Variants in IPO11 observed in about 807,000 individuals in gnomAD.
IPO11 encodes importin 11.
IPO11 carries 66 observed loss-of-function variants against 143.2 expected under a neutral mutation model. The ratio of observed to expected loss-of-function variants is 0.46; its 90% CI spans 0.38 to 0.57. The LOEUF is 0.57. Ranked by LOEUF, IPO11 falls within the 20% of genes least tolerant of loss-of-function variation. The pLI is 0.00. For missense variants in IPO11, 1,026 were observed against 1,141.0 expected (o/e 0.90, Z 1.45); for synonymous variants, 385 against 377.8 (o/e 1.02, Z -0.22).
At chr5:62,435,811 C>G (rs1013096304) in intron 1 of IPO11, among the ~76,000 whole-genome samples, 1 of 151,770 alleles carries the variant, frequency 6.6e-6, no homozygotes, top group African/African-American at 2.4e-5. Flanking sequence ...GGCGGATCAC[C>G]TGGGGTCAGG....
Position 62,452,335 on chromosome 5 carries a change from A to G in IPO11, c.516+402A>G, listed in dbSNP as rs1744963264. ...TACTTCTGTTGATGTTTTTTGAAAG[A>G]CTTAATTCTTTCTCATTTTAAGCTG... is the stretch of plus-strand genomic sequence containing the variant. On this transcript the variant is annotated intron_variant, in intron 5 of 29. Coordinates refer to ENST00000325324, the MANE Select transcript of IPO11 (RefSeq NM_016338.5). 1.3e-5 allele frequency among the ~76,000 whole-genome samples: 2 copies of G among 151,390 alleles called. 1 individual carries two copies. Among genetic ancestry groups the G allele is most frequent in the African/African-American group, 4.9e-5 (2 of 40,632 alleles).
intron 28 of IPO11, among the ~76,000 whole-genome samples, chr5:62,598,561 T>TGAGA: frequency 2.5e-5 from 1 of 39,266 alleles, no homozygotes; most frequent in African/African-American, 2.4e-4. Context: ...TTCTTTTTTT[T>TGAGA]TTTTATGGAG....
chr5:62,482,993 G>T, intron 9 of IPO11, 108 bp from the exon 10 acceptor site: 3 of 733,054 alleles, frequency 4.1e-6, no homozygotes, highest in South Asian at 2.0e-5. Flanking sequence ...CCACACTAAG[G>T]TTCAAACTGC....
chr5:62,586,764 A>ATAT (rs1554056988), intron 27 of IPO11, among the ~76,000 whole-genome samples: 84 of 83,054 alleles, frequency 1.0e-3, no homozygotes, highest in African/African-American at 3.1e-3. Flanking sequence ...AAAAAAAAAA[A>ATAT]AAAAATATAT....
At chr5:62,523,401 G>T (rs1447631923) in intron 20 of IPO11, among the ~76,000 whole-genome samples, 1 of 152,124 alleles carries the variant, frequency 6.6e-6, no homozygotes, top group Non-Finnish European at 1.5e-5. Context: ...AAGGCTAAGC[G>T]AACATCTCTT....
intron 5 of IPO11, among the ~76,000 whole-genome samples, chr5:62,465,173 T>C (rs1296348434): frequency 1.3e-5 from 2 of 152,254 alleles, no homozygotes; most frequent in African/African-American, 4.8e-5. Flanking sequence ...TTCTTACCTC[T>C]TCTGCGTCTA....
At chr5:62,526,553 T>C (rs1742375730) in intron 21 of IPO11, 1 of 254,640 alleles carries the variant, frequency 3.9e-6, no homozygotes, top group African/African-American at 2.3e-5. Flanking sequence ...ACTTACAATT[T>C]CCAGTCTGTT....
At chr5:62,465,562 C>T (rs1745544551) in intron 5 of IPO11, among the ~76,000 whole-genome samples, 1 of 152,196 alleles carries the variant, frequency 6.6e-6, no homozygotes, top group Non-Finnish European at 1.5e-5. Flanking sequence ...TGTTGTAACA[C>T]TATGAATTGA....
In IPO11 at chr5:62,598,379, G is replaced by GCTTTCTTTCTTT. The variant is rs1561380281; in HGVS notation, c.2679-3382_2679-3381insTCTTTCTTTCTT. ...ATGTGAAACGACCCATAAATTGTTT[G>GCTTTCTTTCTTT]CTTGCTTGCTTGCTTTCTTTCTTTC... On this transcript the variant is annotated intron_variant, in intron 28 of 29. Coordinates refer to ENST00000325324, the MANE Select transcript of IPO11 (RefSeq NM_016338.5). Among the ~76,000 whole-genome samples, 10 of 48,574 alleles carry GCTTTCTTTCTTT rather than the reference G, an allele frequency of 2.1e-4. 1 individual carries two copies. The highest frequency in any genetic ancestry group is 3.7e-4 in the Non-Finnish European group (9 of 24,430). 31.9% of individuals were successfully genotyped at this position (48,574 alleles called of 152,430 possible). A position where few individuals can be genotyped will look rare whatever the true frequency, so the allele number is the denominator to read the frequency against.
intron 1 of IPO11, among the ~76,000 whole-genome samples, chr5:62,417,290 A>G (rs531808143): frequency 9.3e-5 from 6 of 64,772 alleles, no homozygotes; most frequent in East Asian, 4.0e-4. Flanking sequence ...AGAATTCTCT[A>G]TATTCATTTT....
chr5:62,508,807 C>T (rs974679887), intron 19 of IPO11, among the ~76,000 whole-genome samples: 6 of 152,120 alleles, frequency 3.9e-5, no homozygotes, highest in African/African-American at 7.2e-5. Context: ...GCCCTGTGTC[C>T]ATGTGTTCTC....
At chr5:62,615,281 CAA>C (rs771989392) in intron 29 of IPO11, among the ~76,000 whole-genome samples, 1 of 152,146 alleles carries the variant, frequency 6.6e-6, no homozygotes, top group Non-Finnish European at 1.5e-5. Context: ...CCTCCAATAA[CAA>C]AGAATTATCT....
At chr5:62,616,359 A>G (rs372686919) in intron 29 of IPO11, among the ~76,000 whole-genome samples, 1 of 152,118 alleles carries the variant, frequency 6.6e-6, no homozygotes, top group Non-Finnish European at 1.5e-5. Flanking sequence ...AAAGTTTTCT[A>G]CTCTTTCTGA....
At chr5:62,470,172 C>A in intron 6 of IPO11, 78 bp from the exon 7 acceptor site, 1 of 1,379,118 alleles carries the variant, frequency 7.3e-7, no homozygotes, top group Non-Finnish European at 1.0e-6. Flanking sequence ...TTAAGTTTTG[C>A]AATTCTGAAT....
chr5:62,448,750 G>T (rs1455278164), intron 3 of IPO11, among the ~76,000 whole-genome samples: 2 of 152,066 alleles, frequency 1.3e-5, no homozygotes, highest in Non-Finnish European at 2.9e-5. Flanking sequence ...GTAGAGATGG[G>T]ATCTTGCTAT....
At chr5:62,457,176 G>C (rs1350747916) in intron 5 of IPO11, among the ~76,000 whole-genome samples, 1 of 152,154 alleles carries the variant, frequency 6.6e-6, no homozygotes, top group Non-Finnish European at 1.5e-5. Flanking sequence ...TTTAAAAGCT[G>C]AAAGGTTTAT....
At position 62,572,780 on chromosome 5, in the gene IPO11, G is replaced by A. The variant is rs532570883; in HGVS notation, c.2582+11523G>A. On this transcript the variant is annotated intron_variant, in intron 27 of 29. Transcript: ENST00000325324. ...GTGTTTTTAGTAGAGATGGGATTTC[G>A]CCATGTTGCTCAGGCTGGTCTTGAA... Among the ~76,000 whole-genome samples, 5 of 151,726 alleles carry A rather than the reference G, an allele frequency of 3.3e-5. No homozygotes were observed. In the East Asian group the frequency reaches 5.8e-4, roughly 18 times the overall value.
chr5:62,468,844 G>C (rs1419415702), intron 6 of IPO11, among the ~76,000 whole-genome samples: 1 of 152,134 alleles, frequency 6.6e-6, no homozygotes, highest in African/African-American at 2.4e-5. Flanking sequence ...ATACATTTCT[G>C]TTCTGAAATG....
chr5:62,458,146 CAA>C (rs58357821), intron 5 of IPO11, among the ~76,000 whole-genome samples: 7 of 63,264 alleles, frequency 1.1e-4, no homozygotes, highest in Admixed American at 1.7e-4. Flanking sequence ...GACTCTGTCT[CAA>C]AAAAAAAAAA....
Sources: allele counts gnomAD v4.1 joint callset (sites outside exome capture counted in the v4.1 genomes callset), GRCh38; gene constraint gnomAD v4.1.1; transcripts MANE v1.5; gene names NCBI Gene and HGNC (gene_info 2026-07-23, HGNC 2026-07-21).